Variants in MSRB3 observed in about 807,000 individuals in gnomAD.
The protein encoded by MSRB3 is methionine sulfoxide reductase B3.
MSRB3 carries 13 observed loss-of-function variants against 21.0 expected under a neutral mutation model. That is an observed-to-expected ratio of 0.62 (90% CI 0.40 to 0.98). MSRB3 has a LOEUF of 0.98. MSRB3 is among the 50% of genes least tolerant of loss of function. The pLI, the probability that MSRB3 is intolerant of heterozygous loss-of-function variation, is 0.00. For missense variants in MSRB3, 199 were observed against 230.3 expected (o/e 0.86, Z 0.88); for synonymous variants, 87 against 88.6 (o/e 0.98, Z 0.10).
At chr12:65,453,873 T>C in intron 6 of MSRB3, 48 bp downstream of exon 6, 1 of 1,489,286 alleles carries the variant, frequency 6.7e-7, no homozygotes, top group Non-Finnish European at 9.4e-7. Context: ...TCAGGACTCC[T>C]GGTTGTGCTA....
chr12:65,280,001 A>T (rs1456839027), intron 1 of MSRB3, among the ~76,000 whole-genome samples: 1 of 152,222 alleles, frequency 6.6e-6, no homozygotes, highest in Non-Finnish European at 1.5e-5. Flanking sequence ...CTCATAAATT[A>T]GTTGAAACAT....
intron 4 of MSRB3, among the ~76,000 whole-genome samples, chr12:65,342,857 A>G (rs977953759): frequency 1.1e-4 from 16 of 152,080 alleles, no homozygotes; most frequent in African/African-American, 3.6e-4. Flanking sequence ...TTAACATATG[A>G]TCCCATATCT....
intron 1 of MSRB3, among the ~76,000 whole-genome samples, chr12:65,300,514 C>T (rs1437714220): frequency 6.6e-6 from 1 of 152,158 alleles, no homozygotes; most frequent in African/African-American, 2.4e-5. Flanking sequence ...TCTGGGGGCA[C>T]AAGGGCCCCT....
At chr12:65,366,987 A>T (rs1057250822) in intron 4 of MSRB3, among the ~76,000 whole-genome samples, 1 of 152,142 alleles carries the variant, frequency 6.6e-6, no homozygotes, top group Non-Finnish European at 1.5e-5. Context: ...AGGGGAAGTG[A>T]CAGACAGACA....
intron 6 of MSRB3, chr12:65,454,224 G>A (rs867867805): frequency 2.5e-6 from 1 of 397,008 alleles, no homozygotes; most frequent in Non-Finnish European, 4.7e-6. Flanking sequence ...GGAGGTCGAG[G>A]CTGCAGTGAG....
intron 2 of MSRB3, among the ~76,000 whole-genome samples, chr12:65,323,842 G>GTAA (rs1416649208): frequency 1.3e-5 from 2 of 152,104 alleles, no homozygotes; most frequent in Admixed American, 6.6e-5. Flanking sequence ...AAGGGCTAAT[G>GTAA]TAATAGTATA....
At chr12:65,404,010 T>A (rs1005340575) in intron 5 of MSRB3, among the ~76,000 whole-genome samples, 1 of 152,216 alleles carries the variant, frequency 6.6e-6, no homozygotes, top group African/African-American at 2.4e-5. Flanking sequence ...CCTTCTGCAT[T>A]GATCTCGCTG....
chr12:65,331,861 G>C (rs1021940771), intron 4 of MSRB3, among the ~76,000 whole-genome samples: 1 of 152,222 alleles, frequency 6.6e-6, no homozygotes, highest in African/African-American at 2.4e-5. Flanking sequence ...TAGAGAAGCT[G>C]CCCACATTGC....
intron 5 of MSRB3, among the ~76,000 whole-genome samples, chr12:65,387,059 G>A (rs1879228899): frequency 6.6e-6 from 1 of 151,946 alleles, no homozygotes; most frequent in Non-Finnish European, 1.5e-5. Context: ...TAGAGCTAAT[G>A]GGTGACAGGA....
At chr12:65,404,759 G>A (rs1203562058) in intron 5 of MSRB3, among the ~76,000 whole-genome samples, 1 of 152,122 alleles carries the variant, frequency 6.6e-6, no homozygotes, top group East Asian at 1.9e-4. Context: ...TCTTTGTGGT[G>A]AGAACACTTA....
intron 4 of MSRB3, among the ~76,000 whole-genome samples, chr12:65,342,885 A>G (rs138930494): frequency 2.0e-5 from 3 of 152,222 alleles, no homozygotes; most frequent in East Asian, 1.9e-4. Flanking sequence ...ATGCATACCT[A>G]TAAATATATG....
intron 5 of MSRB3, among the ~76,000 whole-genome samples, chr12:65,420,837 A>G (rs1364492482): frequency 6.6e-6 from 1 of 152,198 alleles, no homozygotes; most frequent in African/African-American, 2.4e-5. Context: ...TCCATGGAAT[A>G]TATGTGCCGC....
At chr12:65,413,336 G>T (rs892327910) in intron 5 of MSRB3, among the ~76,000 whole-genome samples, 1 of 152,136 alleles carries the variant, frequency 6.6e-6, no homozygotes, top group Non-Finnish European at 1.5e-5. Context: ...GCAGATAGTA[G>T]GTGCTTTGTC....
intron 4 of MSRB3, among the ~76,000 whole-genome samples, chr12:65,351,777 T>C (rs1877013697): frequency 6.6e-6 from 1 of 151,586 alleles, no homozygotes; most frequent in Non-Finnish European, 1.5e-5. Context: ...AAGTTGAATC[T>C]CTGAATAGAC....
At chr12:65,409,010 A>G (rs1880571469) in intron 5 of MSRB3, among the ~76,000 whole-genome samples, 1 of 152,182 alleles carries the variant, frequency 6.6e-6, no homozygotes, top group Non-Finnish European at 1.5e-5. Flanking sequence ...GAGGTAAAAC[A>G]TATGAAAGTG....
intron 4 of MSRB3, among the ~76,000 whole-genome samples, chr12:65,336,945 T>C (rs1875799603): frequency 6.6e-6 from 1 of 152,170 alleles, no homozygotes; most frequent in Non-Finnish European, 1.5e-5. Flanking sequence ...ACATCGTGTC[T>C]TAAAAGTTTT....
chr12:65,424,144 T>C (rs1038459634), intron 5 of MSRB3, among the ~76,000 whole-genome samples: 2 of 152,132 alleles, frequency 1.3e-5, no homozygotes, highest in Non-Finnish European at 2.9e-5. Flanking sequence ...AGTAGACTCA[T>C]GATCATTTGT....
rs1373430272 is a variant in MSRB3, at chr12:65,278,703, C to G, written c.-214C>G. On this transcript the variant is annotated 5_prime_UTR_variant, in exon 1 of 7. Coordinates refer to ENST00000308259, the MANE Select transcript of MSRB3 (RefSeq NM_001031679.3). ...CCGTCATGCCTCCCGCCGCCCCGTCCGTCGCCCGGAGCCGGGGAGGGAGGG... is the reference window on the plus strand; with the variant it reads ...CCGTCATGCCTCCCGCCGCCCCGTCGGTCGCCCGGAGCCGGGGAGGGAGGG... 7.2e-7 allele frequency: 1 copy of G among 1,397,722 alleles called. No homozygotes were observed. The allele number at this position is 1,397,722 out of a possible 1,614,324, so 86.6% of individuals were successfully genotyped here.
At chr12:65,295,821 A>G (rs925585464) in intron 1 of MSRB3, among the ~76,000 whole-genome samples, 2 of 152,206 alleles carry the variant, frequency 1.3e-5, no homozygotes, top group Non-Finnish European at 2.9e-5. Context: ...GGAATTTACT[A>G]CAAATTCAGG....
Sources: gnomAD v4.1 joint callset for allele counts (sites outside exome capture counted in the v4.1 genomes callset) on GRCh38, gnomAD v4.1.1 for gene constraint, MANE v1.5 for transcripts, NCBI Gene and HGNC (gene_info 2026-07-23, HGNC 2026-07-21) for gene names.